The following SYN3 variants were observed in gnomAD, a reference collection of about 807,000 sequenced individuals.
SYN3 encodes synapsin-3.
Under a neutral mutation model 65.8 loss-of-function variants are expected in SYN3, and 35 were observed. The ratio of observed to expected loss-of-function variants is 0.53; its 90% CI spans 0.41 to 0.70. The LOEUF is 0.70. Among genes scored for constraint, SYN3 ranks in the 30% least tolerant of loss-of-function variants. The probability of loss-of-function intolerance (pLI) is 0.00; values close to 1 mark genes in which losing one functional copy is unlikely to be tolerated. For missense variants in SYN3, 680 were observed against 749.0 expected (o/e 0.91, Z 1.08); for synonymous variants, 270 against 292.9 (o/e 0.92, Z 0.80).
chr22:32,864,474 A>AG (rs2048633496), intron 6 of SYN3: 1 of 160,098 alleles, frequency 6.2e-6, no homozygotes, highest in Non-Finnish European at 1.4e-5. Flanking sequence ...TGAAGAGGAC[A>AG]TGTAAGGAAA....
At chr22:33,008,773 T>TA (rs201653419) in intron 1 of SYN3, among the ~76,000 whole-genome samples, 2 of 150,548 alleles carry the variant, frequency 1.3e-5, no homozygotes, top group Admixed American at 1.3e-4. Flanking sequence ...TAATTTTTTT[T>TA]AAAAAGCTGG....
chr22:32,832,002 A>G (rs1053023789), intron 6 of SYN3, among the ~76,000 whole-genome samples: 1 of 152,216 alleles, frequency 6.6e-6, no homozygotes, highest in Non-Finnish European at 1.5e-5. Context: ...CAGATCAGCA[A>G]TGTCCCACTA....
chr22:32,852,843 A>C (rs915604582), intron 6 of SYN3, among the ~76,000 whole-genome samples: 1 of 152,182 alleles, frequency 6.6e-6, no homozygotes, highest in African/African-American at 2.4e-5. Flanking sequence ...AAGTTTCCAG[A>C]ACTGGCTGCT....
At chr22:32,516,251 C>T (rs888962058) in intron 13 of SYN3, among the ~76,000 whole-genome samples, 1 of 152,080 alleles carries the variant, frequency 6.6e-6, no homozygotes, top group African/African-American at 2.4e-5. Context: ...ACTGAAAGGA[C>T]ACATAGGAAC....
At chr22:32,943,326 T>A (rs111419638) in intron 3 of SYN3, among the ~76,000 whole-genome samples, 5 of 152,170 alleles carry the variant, frequency 3.3e-5, no homozygotes, top group South Asian at 2.1e-4. Context: ...TCAACCCAGA[T>A]TTTCATATCC....
intron 4 of SYN3, among the ~76,000 whole-genome samples, chr22:32,909,302 C>T (rs2049985896): frequency 6.6e-6 from 1 of 152,096 alleles, no homozygotes; most frequent in Non-Finnish European, 1.5e-5. Flanking sequence ...AGGTTAAATC[C>T]CGGTTCCTTC....
chr22:32,968,317 G>C (rs1296821828), intron 3 of SYN3, among the ~76,000 whole-genome samples: 3 of 152,128 alleles, frequency 2.0e-5, no homozygotes, highest in African/African-American at 7.2e-5. Context: ...TCATATTCAA[G>C]GATGAGATGA....
Position 32,510,876 on chromosome 22 carries a change from TG to T in SYN3, c.*2815del, listed in dbSNP as rs1319142256. Among the ~76,000 whole-genome samples the T allele has an allele frequency of 6.6e-6, 1 of 151,932 alleles. No homozygotes were observed. The highest frequency in any genetic ancestry group is 1.9e-4 in the East Asian group (1 of 5,170). On this transcript the variant is annotated 3_prime_UTR_variant, in exon 14 of 14. Coordinates refer to ENST00000358763, the MANE Select transcript of SYN3 (RefSeq NM_003490.4). ...TGATCCCTATCTTCTTGGGGGCAAG[TG>T]GGGAAGCCATTCTCCTCTTGAAGCC...
chr22:32,979,494 C>G (rs2052308711), intron 3 of SYN3, among the ~76,000 whole-genome samples: 1 of 152,316 alleles, frequency 6.6e-6, no homozygotes, highest in South Asian at 2.1e-4. Context: ...CTTTCTGTTT[C>G]TCTGACACGG....
At position 32,797,348 on chromosome 22, in the gene SYN3, G is replaced by A. The variant is rs999092294; in HGVS notation, c.711+67567C>T. Among the ~76,000 whole-genome samples, 5 of 152,180 alleles carry A rather than the reference G, an allele frequency of 3.3e-5. No homozygotes were observed. The South Asian group carries it at 1.0e-3, about 32-fold the overall frequency. On this transcript the variant is annotated intron_variant, in intron 6 of 13. Transcript: ENST00000358763. Reference sequence around the variant, plus strand: ...TCTAGGGGCTTAGACTCCAGCAAGGGAAACAGATGGGTAAATAATCACATT... The same window carrying A: ...TCTAGGGGCTTAGACTCCAGCAAGGAAAACAGATGGGTAAATAATCACATT...
At chr22:32,631,903 T>G (rs1375309512) in intron 6 of SYN3, among the ~76,000 whole-genome samples, 1 of 152,168 alleles carries the variant, frequency 6.6e-6, no homozygotes, top group Non-Finnish European at 1.5e-5. Flanking sequence ...CCAGAGCCCT[T>G]TTATGTCACC....
chr22:33,054,208 T>A (rs2054218370), intron 1 of SYN3, among the ~76,000 whole-genome samples: 1 of 152,160 alleles, frequency 6.6e-6, no homozygotes, highest in African/African-American at 2.4e-5. Flanking sequence ...ACAACTGCCA[T>A]ATTTATATCT....
chr22:32,792,588 T>G (rs1221522493), intron 6 of SYN3, among the ~76,000 whole-genome samples: 6 of 152,158 alleles, frequency 3.9e-5, no homozygotes, highest in Non-Finnish European at 8.8e-5. Flanking sequence ...TCCTATGGCA[T>G]CTATCAAAAT....
intron 3 of SYN3, among the ~76,000 whole-genome samples, chr22:32,963,453 G>A (rs910283084): frequency 6.6e-6 from 1 of 151,962 alleles, no homozygotes; most frequent in South Asian, 2.1e-4. Context: ...ATTAGAGACC[G>A]CAAAACAGAA....
At chr22:32,710,645 AAAAG>A (rs796273968) in intron 6 of SYN3, among the ~76,000 whole-genome samples, 4 of 126,992 alleles carry the variant, frequency 3.1e-5, no homozygotes, top group Non-Finnish European at 4.6e-5. Context: ...AAAAAAAAAA[AAAAG>A]AAAGAAAGAA....
intron 6 of SYN3, among the ~76,000 whole-genome samples, chr22:32,840,416 C>G (rs942320414): frequency 1.3e-5 from 2 of 152,012 alleles, no homozygotes; most frequent in African/African-American, 2.4e-5. Flanking sequence ...CCTGGGGGAC[C>G]AGGGTAGGAT....
intron 6 of SYN3, among the ~76,000 whole-genome samples, chr22:32,757,595 C>A (rs1477406580): frequency 2.6e-5 from 4 of 151,540 alleles, no homozygotes; most frequent in African/African-American, 7.3e-5. Flanking sequence ...CCGTGCCCGG[C>A]CTGGGCTCCT....
chr22:32,625,138 T>A (rs766283109), intron 6 of SYN3, among the ~76,000 whole-genome samples: 1 of 152,252 alleles, frequency 6.6e-6, no homozygotes, highest in Non-Finnish European at 1.5e-5. Context: ...GTCACAGTCA[T>A]GTCACTCCAT....
At position 32,922,781 on chromosome 22, in the gene SYN3, C is replaced by G. The variant is rs910405414; in HGVS notation, c.461+8609G>C. Among the ~76,000 whole-genome samples, 6 of 152,212 alleles carry G rather than the reference C, an allele frequency of 3.9e-5. 1 individual carries two copies. Among genetic ancestry groups the G allele is most frequent in the East Asian group, 1.9e-4 (1 of 5,160 alleles). On this transcript the variant is annotated intron_variant, in intron 4 of 13. Coordinates refer to ENST00000358763, the MANE Select transcript of SYN3 (RefSeq NM_003490.4). ...GGTCCCAGTGAGATATTCCAATTGACTGGGGCTAGTCATGTGCCATCAGCT... is the reference window on the plus strand; with the variant it reads ...GGTCCCAGTGAGATATTCCAATTGAGTGGGGCTAGTCATGTGCCATCAGCT...
Sources: gnomAD v4.1 joint callset for allele counts (sites outside exome capture counted in the v4.1 genomes callset) on GRCh38, gnomAD v4.1.1 for gene constraint, MANE v1.5 for transcripts, NCBI Gene and HGNC (gene_info 2026-07-23, HGNC 2026-07-21) for gene names.